SHQ1: variants seen among roughly 807,000 people sequenced by gnomAD.
The protein encoded by SHQ1 is SHQ1, H/ACA ribonucleoprotein assembly factor, also known as protein SHQ1 homolog.
Under a neutral mutation model 53.8 loss-of-function variants are expected in SHQ1, and 49 were observed. The ratio of observed to expected loss-of-function variants is 0.91; its 90% confidence interval spans 0.72 to 1.16. SHQ1 has a LOEUF of 1.16. Ranked by LOEUF, SHQ1 falls within the 50% of genes most tolerant of loss-of-function variation. The pLI is 0.00. For synonymous variants in SHQ1, 243 were observed against 251.0 expected, an observed-to-expected ratio of 0.97 and a Z score of 0.30; for missense variants, 738 against 683.1, an observed-to-expected ratio of 1.08 and a Z score of -0.90.
At chr3:72,801,642 C>T (rs1706792766) in intron 9 of SHQ1, among the ~76,000 whole-genome samples, 1 of 152,112 alleles carries the variant, frequency 6.6e-6, no homozygotes, top group South Asian at 2.1e-4. Flanking sequence ...ATTTTGAAAC[C>T]CTCACTGTGT....
chr3:72,751,508 GTATA>G lies in SHQ1; in HGVS notation c.1182-676_1182-673del, dbSNP rs371779807. On this transcript the variant is annotated intron_variant, in intron 10 of 10. Transcript: ENST00000325599. ...TGTGTGTGTGTGTGTGTGTGTGTGT[GTATA>G]TATATATATATATATATACATATAC... Among the ~76,000 whole-genome samples the G allele has an allele frequency of 6.4e-4, 75 of 116,966 alleles. 1 individual carries two copies. The highest frequency in any genetic ancestry group is 2.1e-3 in the East Asian group (10 of 4,832). The allele number at this position is 116,966 out of a possible 152,430, so 76.7% of individuals were successfully genotyped here. A position where few individuals can be genotyped will look rare whatever the true frequency, so the allele number is the denominator to read the frequency against.
At chr3:72,736,434 A>G in the SHQ1 span, among the ~76,000 whole-genome samples, 6 of 151,904 alleles carry the variant, frequency 3.9e-5, no homozygotes, top group African/African-American at 1.2e-4. Context: ...AAGTACCTAC[A>G]TAACAAAAGA....
intron 6 of SHQ1, among the ~76,000 whole-genome samples, chr3:72,818,555 G>C (rs1707382605): frequency 6.6e-6 from 1 of 152,138 alleles, no homozygotes; most frequent in Admixed American, 6.5e-5. Flanking sequence ...GGCAAGAAAT[G>C]TAATAGCTTT....
chr3:72,771,157 C>G lies in SHQ1; in HGVS notation c.1182-20321G>C, dbSNP rs76633610. The stretch of plus-strand genomic sequence containing the variant: ...TTCTACTCACTGTCTTAGGTGAAAA[C>G]AGAGAATGCTCACTCTAATTCCTTA... On this transcript the variant is annotated intron_variant, in intron 10 of 10. Transcript: ENST00000325599. 5.1e-3 allele frequency among the ~76,000 whole-genome samples: 781 copies of G among 152,306 alleles called. 10 individuals are homozygous for G. The highest frequency in any genetic ancestry group is 0.018 in the African/African-American group (751 of 41,556).
chr3:72,791,183 T>TA (rs35968814), intron 10 of SHQ1, among the ~76,000 whole-genome samples: 5 of 151,834 alleles, frequency 3.3e-5, no homozygotes, highest in South Asian at 4.2e-4. Flanking sequence ...TCATCATTCC[T>TA]AAAAAAAAGA....
In SHQ1 at chr3:72,750,247, A is replaced by T; in HGVS notation, c.*37T>A. On this transcript the variant is annotated 3_prime_UTR_variant, in exon 11 of 11. Coordinates refer to ENST00000325599, the MANE Select transcript of SHQ1 (RefSeq NM_018130.3). ...TCATTCGGTAAATGAAACCCAATCT[A>T]CCATATTTCTCAACAATGAATAAAA... 1 of 1,467,514 alleles carries T rather than the reference A, an allele frequency of 6.8e-7. No individual in the cohort carries two copies. Among genetic ancestry groups the T allele is most frequent in the Non-Finnish European group, 9.3e-7 (1 of 1,077,266 alleles). The allele number at this position is 1,467,514 out of a possible 1,614,324, so 90.9% of individuals were successfully genotyped here.
At chr3:72,756,963 GA>G (rs1217351680) in intron 10 of SHQ1, among the ~76,000 whole-genome samples, 1 of 152,196 alleles carries the variant, frequency 6.6e-6, no homozygotes, top group Non-Finnish European at 1.5e-5. Flanking sequence ...GTAGGAGGGG[GA>G]AAGCCTCCGC....
At chr3:72,729,944 G>A in the SHQ1 span, among the ~76,000 whole-genome samples, 5 of 151,740 alleles carry the variant, frequency 3.3e-5, no homozygotes, top group East Asian at 1.9e-4. Context: ...TCGGCCTCCC[G>A]AGTAGCTGGG....
At chr3:72,780,909 T>C (rs1178346123) in intron 10 of SHQ1, among the ~76,000 whole-genome samples, 2 of 152,138 alleles carry the variant, frequency 1.3e-5, no homozygotes, top group Admixed American at 6.5e-5. Flanking sequence ...GAACAAGCAA[T>C]TCTCCTGCCT....
the SHQ1 span, among the ~76,000 whole-genome samples, chr3:72,734,362 T>A: frequency 6.6e-6 from 1 of 151,098 alleles, no homozygotes; most frequent in South Asian, 2.1e-4. Flanking sequence ...GTTCGGTGAT[T>A]CTCCTGCTTC....
intron 9 of SHQ1, among the ~76,000 whole-genome samples, chr3:72,797,373 C>T (rs1706657827): frequency 6.6e-6 from 1 of 152,192 alleles, no homozygotes; most frequent in Non-Finnish European, 1.5e-5. Flanking sequence ...GCCCATCATG[C>T]ACCTGGCATT....
intron 10 of SHQ1, chr3:72,773,140 G>T: frequency 1.3e-6 from 1 of 756,166 alleles, no homozygotes; most frequent in East Asian, 2.5e-5. Flanking sequence ...GAAGTTTCAG[G>T]ATGAGTTGGA....
Position 72,824,465 on chromosome 3 carries a change from A to G in SHQ1, c.686T>C (p.Phe229Ser). ...WTDKYSKMMA[F>S]LEKSQEQENH... ...TTCTTGTTCCTGACTCTTTTCCAAA[A>G]AGGCCATCATTTTTGAATATTTGTC... The change falls in exon 6 of 11, where the codon TTT (phenylalanine) becomes TCT (serine). Residue 229 changes from phenylalanine to serine, a missense_variant. By Grantham distance (155) the Phe-to-Ser change is radical (BLOSUM62 -2). Transcript: ENST00000325599. 1.2e-6 allele frequency: 2 copies of G among 1,612,824 alleles called. No homozygotes were observed. The highest frequency in any genetic ancestry group is 1.7e-6 in the Non-Finnish European group (2 of 1,179,750).
rs114181426 is a variant in SHQ1, at chr3:72,800,589, C to T, written c.1061-7553G>A. On this transcript the variant is annotated intron_variant, in intron 9 of 10. Transcript: ENST00000325599. ...AAGTCCTTGACAGGAAAGGACATGA[C>T]TTTTCATCTTTCTTCCTTGGCCTAG... Among the ~76,000 whole-genome samples the T allele has an allele frequency of 5.5e-3, 845 of 152,330 alleles. 8 individuals are homozygous for T. Among genetic ancestry groups the T allele is most frequent in the African/African-American group, 0.018 (754 of 41,578 alleles).
intron 3 of SHQ1, 129 bp from the exon 4 acceptor site, chr3:72,841,328 T>G: frequency 1.5e-6 from 1 of 650,588 alleles, no homozygotes; most frequent in Non-Finnish European, 2.4e-6. Context: ...AAAAGAATAT[T>G]CATAGCTCCG....
At chr3:72,747,252 C>CA (rs1405527276), downstream of SHQ1, among the ~76,000 whole-genome samples, 1 of 152,148 alleles carries the variant, frequency 6.6e-6, no homozygotes, top group Non-Finnish European at 1.5e-5. Context: ...TCAGTGTTAA[C>CA]AAGACCCTAC....
the SHQ1 span, among the ~76,000 whole-genome samples, chr3:72,739,424 G>T: frequency 1.1e-3 from 174 of 152,290 alleles, 1 homozygote; most frequent in African/African-American, 3.9e-3. Flanking sequence ...AGAGACTCAG[G>T]CCACCTCACC....
At chr3:72,732,990 C>A in the SHQ1 span, among the ~76,000 whole-genome samples, 1 of 151,692 alleles carries the variant, frequency 6.6e-6, no homozygotes, top group East Asian at 1.9e-4. Context: ...AGGAAGGATT[C>A]TTTCTAAGCC....
intron 3 of SHQ1, 79 bp from the exon 4 acceptor site, chr3:72,841,278 GC>G: frequency 8.7e-7 from 1 of 1,146,032 alleles, no homozygotes. Flanking sequence ...AGGAAAAAAT[GC>G]CCACAAAGAT....
Sources: gnomAD v4.1 joint callset for allele counts (sites outside exome capture counted in the v4.1 genomes callset) on GRCh38, gnomAD v4.1.1 for gene constraint, MANE v1.5 for transcripts, NCBI Gene and HGNC (gene_info 2026-07-23, HGNC 2026-07-21) for gene names.